ATP11A: variants seen among roughly 807,000 people sequenced by gnomAD.
ATP11A encodes the protein ATPase phospholipid transporting 11A, also known as phospholipid-transporting ATPase IH.
Under a neutral mutation model 154.4 loss-of-function variants are expected in ATP11A, and 81 were observed. That is an observed-to-expected ratio of 0.52 (90% confidence interval 0.44 to 0.63). The LOEUF (loss-of-function observed/expected upper bound fraction) is 0.63. ATP11A is among the 30% of genes least tolerant of loss of function. ATP11A has a pLI of 0.00. For missense variants in ATP11A, 1,316 were observed against 1,474.3 expected (o/e 0.89, Z 1.76); for synonymous variants, 623 against 585.9 (o/e 1.06, Z -0.91).
chr13:112,831,347 GC>G, intron 12 of ATP11A, 27 bp from the exon 13 acceptor site: 1 of 1,606,974 alleles, frequency 6.2e-7, no homozygotes. Context: ...CCCTCAGAGC[GC>G]CCTGACTTGC....
chr13:112,805,062 G>T lies in ATP11A; in HGVS notation c.252+16G>T, dbSNP rs764110247. ...TCTGGTGCAGGTAAGGCCGGTCATT[G>T]TTTTCCATCTCATCACATATAAATC... On this transcript the variant is annotated intron_variant, in intron 3 of 29. Coordinates refer to ENST00000375645, the MANE Select transcript of ATP11A (RefSeq NM_015205.3). The T allele has an allele frequency of 1.4e-5, 22 of 1,563,790 alleles. No homozygotes were observed. The highest frequency in any genetic ancestry group is 1.7e-5 in the Non-Finnish European group (20 of 1,143,762).
chr13:112,716,237 G>A (rs1888446713), intron 1 of ATP11A, among the ~76,000 whole-genome samples: 1 of 152,216 alleles, frequency 6.6e-6, no homozygotes, highest in Admixed American at 6.5e-5. Context: ...CTAGGCCCCA[G>A]GCATTCCCCA....
intron 1 of ATP11A, among the ~76,000 whole-genome samples, chr13:112,710,233 T>C (rs1887586979): frequency 6.6e-6 from 1 of 152,214 alleles, no homozygotes; most frequent in Admixed American, 6.5e-5. Context: ...TCTGCTGCCT[T>C]GGGGGCCCTT....
intron 1 of ATP11A, among the ~76,000 whole-genome samples, chr13:112,779,766 G>T (rs754481615): frequency 6.6e-6 from 1 of 152,138 alleles, no homozygotes; most frequent in Non-Finnish European, 1.5e-5. Flanking sequence ...TTAGCTGGAC[G>T]TGGTGGCGCT....
chr13:112,757,657 G>C (rs2076873027), intron 1 of ATP11A, among the ~76,000 whole-genome samples: 1 of 152,248 alleles, frequency 6.6e-6, no homozygotes, highest in African/African-American at 2.4e-5. Flanking sequence ...GGAAGGGCCA[G>C]GGGCACGGAC....
At chr13:112,822,598 C>T (rs1437539382) in intron 8 of ATP11A, among the ~76,000 whole-genome samples, 1 of 151,996 alleles carries the variant, frequency 6.6e-6, no homozygotes, top group Non-Finnish European at 1.5e-5. Flanking sequence ...GTAATAGAAA[C>T]AATTGAGGCT....
At chr13:112,793,247 G>T (rs1349377065) in intron 2 of ATP11A, among the ~76,000 whole-genome samples, 1 of 152,286 alleles carries the variant, frequency 6.6e-6, no homozygotes, top group South Asian at 2.1e-4. Context: ...CTGTGCCCAG[G>T]CTGGAGTGCA....
intron 1 of ATP11A, among the ~76,000 whole-genome samples, chr13:112,709,841 C>A (rs1198061297): frequency 2.0e-5 from 3 of 152,284 alleles, no homozygotes; most frequent in Admixed American, 6.5e-5. Context: ...CAGAATAAAT[C>A]TCTTCAGATA....
rs1284645489 is a variant in ATP11A, at chr13:112,884,617, T to G, written c.*2751T>G. On this transcript the variant is annotated 3_prime_UTR_variant, in exon 30 of 30. Transcript: ENST00000375645. The stretch of plus-strand genomic sequence containing the variant: ...GTATTTACTTGCCTTAAACTAACTT[T>G]GAAGCAAGTAATGTCAACTTTGAGC... The G allele has an allele frequency of 6.6e-6, 1 of 152,298 alleles. No individual in the cohort carries two copies. Among genetic ancestry groups the G allele is most frequent in the Non-Finnish European group, 1.5e-5 (1 of 68,060 alleles). The allele number at this position is 152,298 out of a possible 1,614,324, so 9.4% of individuals were successfully genotyped here. A position where few individuals can be genotyped will look rare whatever the true frequency, so the allele number is the denominator to read the frequency against.
chr13:112,710,141 G>A (rs1485825405), intron 1 of ATP11A, among the ~76,000 whole-genome samples: 1 of 152,254 alleles, frequency 6.6e-6, no homozygotes, highest in African/African-American at 2.4e-5. Flanking sequence ...GGGGAGGCCG[G>A]CTGCAGTCGG....
In ATP11A at chr13:112,862,326, C is replaced by T. The variant is rs369726921; in HGVS notation, c.2856-114C>T. 139 of 1,270,410 alleles carry T rather than the reference C, an allele frequency of 1.1e-4. 1 individual carries two copies. The Middle Eastern group carries it at 1.4e-3, about 13-fold the overall frequency. 78.7% of individuals were successfully genotyped at this position (1,270,410 alleles called of 1,614,324 possible). On this transcript the variant is annotated intron_variant, in intron 24 of 29. Coordinates refer to ENST00000375645, the MANE Select transcript of ATP11A (RefSeq NM_015205.3). ...GAGCACAAACTTGATGTTTACTGGC[C>T]GTGCACATCTTATCCCATGAAGACA...
intron 2 of ATP11A, among the ~76,000 whole-genome samples, chr13:112,786,785 G>A (rs192599176): frequency 6.6e-5 from 10 of 152,256 alleles, no homozygotes; most frequent in Admixed American, 3.3e-4. Flanking sequence ...CCATTCACAC[G>A]TGTGCCCTCA....
intron 1 of ATP11A, among the ~76,000 whole-genome samples, chr13:112,701,477 T>A (rs1217887177): frequency 1.3e-5 from 2 of 152,220 alleles, no homozygotes; most frequent in African/African-American, 2.4e-5. Flanking sequence ...TTGAAGGAAG[T>A]GCCCAGAGGA....
intron 6 of ATP11A, among the ~76,000 whole-genome samples, chr13:112,818,810 G>A (rs2078716833): frequency 6.6e-6 from 1 of 152,254 alleles, no homozygotes; most frequent in Non-Finnish European, 1.5e-5. Context: ...AACTCACGTT[G>A]AGACAGGCTT....
intron 26 of ATP11A, among the ~76,000 whole-genome samples, chr13:112,872,523 A>G (rs2080556259): frequency 6.6e-6 from 1 of 152,264 alleles, no homozygotes; most frequent in South Asian, 2.1e-4. Context: ...AGGCACGAGA[A>G]TCGCTTGAAC....
intron 1 of ATP11A, among the ~76,000 whole-genome samples, chr13:112,733,493 A>G (rs531173232): frequency 7.9e-5 from 12 of 152,286 alleles, no homozygotes; most frequent in Non-Finnish European, 1.3e-4. Flanking sequence ...ACATATTTTC[A>G]TTTGTATTTC....
At chr13:112,759,816 A>C (rs1179287643) in intron 1 of ATP11A, among the ~76,000 whole-genome samples, 1 of 152,234 alleles carries the variant, frequency 6.6e-6, no homozygotes, top group Non-Finnish European at 1.5e-5. Flanking sequence ...AAATGTTATA[A>C]ACATTTTATC....
rs565746377 is a variant in ATP11A at position 112,704,338 on chromosome 13, C to T, written c.39+13883C>T. Reference sequence around the variant, plus strand: ...AGTCGGTAGTTAGGGTGGCCTCTGGCGATTGTTGGAGGAATTATGGGTACT... The same window carrying T: ...AGTCGGTAGTTAGGGTGGCCTCTGGTGATTGTTGGAGGAATTATGGGTACT... On this transcript the variant is annotated intron_variant, in intron 1 of 29. Transcript: ENST00000375645. Among the ~76,000 whole-genome samples, 67 of 152,296 alleles carry T rather than the reference C, an allele frequency of 4.4e-4. No homozygotes were observed. In the South Asian group the frequency reaches 0.012, roughly 27 times the overall value.
At chr13:112,725,983 C>A (rs1237527097) in intron 1 of ATP11A, among the ~76,000 whole-genome samples, 2 of 152,254 alleles carry the variant, frequency 1.3e-5, no homozygotes, top group African/African-American at 4.8e-5. Context: ...GCCTGCTCAC[C>A]GCACCTCTGT....
Sources: allele counts gnomAD v4.1 joint callset (sites outside exome capture counted in the v4.1 genomes callset), GRCh38; gene constraint gnomAD v4.1.1; transcripts MANE v1.5; gene names NCBI Gene and HGNC (gene_info 2026-07-23, HGNC 2026-07-21).